Variants in MAML2 observed in about 807,000 individuals in gnomAD.
MAML2 encodes the protein mastermind like transcriptional coactivator 2.
In MAML2, 22 loss-of-function variants were observed where a neutral mutation model predicts 96.1. The ratio of observed to expected loss-of-function variants is 0.23; its 90% CI spans 0.16 to 0.33. The LOEUF (loss-of-function observed/expected upper bound fraction) is 0.33. Ranked by LOEUF, MAML2 falls within the 10% of genes least tolerant of loss-of-function variation. The pLI is 1.00. For missense variants in MAML2, 1,367 were observed against 1,392.4 expected, an observed-to-expected ratio of 0.98 and a Z score of 0.29; for synonymous variants, 561 against 521.3, an observed-to-expected ratio of 1.08 and a Z score of -1.04.
chr11:96,025,360 G>T (rs188194911), intron 2 of MAML2, among the ~76,000 whole-genome samples: 31 of 152,222 alleles, frequency 2.0e-4, no homozygotes, highest in African/African-American at 7.0e-4. Context: ...GGTACACATG[G>T]ACATAAAGAT....
intron 1 of MAML2, among the ~76,000 whole-genome samples, chr11:96,318,388 A>G (rs1863658984): frequency 6.6e-6 from 1 of 152,182 alleles, no homozygotes; most frequent in Admixed American, 6.5e-5. Flanking sequence ...AAGTTAATAT[A>G]CTTTACTTCC....
chr11:96,046,741 A>C (rs75535996), intron 2 of MAML2, among the ~76,000 whole-genome samples: 10 of 151,970 alleles, frequency 6.6e-5, no homozygotes, highest in African/African-American at 1.7e-4. Flanking sequence ...TTCCTCCCCA[A>C]ATTATTTGTA....
At chr11:96,218,848 T>C (rs1295433622) in intron 1 of MAML2, among the ~76,000 whole-genome samples, 1 of 152,244 alleles carries the variant, frequency 6.6e-6, no homozygotes, top group African/African-American at 2.4e-5. Context: ...AACATACTTG[T>C]ACTGAAAGAT....
In MAML2 at chr11:96,287,541, A is replaced by T. The variant is rs182523203; in HGVS notation, c.513+53842T>A. 1.5e-4 allele frequency among the ~76,000 whole-genome samples: 23 copies of T among 152,396 alleles called. 1 individual carries two copies. The highest frequency in any genetic ancestry group is 9.1e-4 in the Admixed American group (14 of 15,314). ...AAATAAACTAAGAAAATTTAATTTC[A>T]TATAAATGTATTATAGAGACATCTA... On this transcript the variant is annotated intron_variant, in intron 1 of 4. Coordinates refer to ENST00000524717, the MANE Select transcript of MAML2 (RefSeq NM_032427.4).
chr11:96,002,746 GGATGATGA>G (rs1565186399), intron 2 of MAML2, among the ~76,000 whole-genome samples: 1 of 142,914 alleles, frequency 7.0e-6, no homozygotes, highest in African/African-American at 2.6e-5. Flanking sequence ...AAGATGATCG[GGATGATGA>G]GGAGGATGAT....
At chr11:96,073,664 T>C (rs949441478) in intron 2 of MAML2, among the ~76,000 whole-genome samples, 1 of 152,202 alleles carries the variant, frequency 6.6e-6, no homozygotes, top group Non-Finnish European at 1.5e-5. Flanking sequence ...GAAGCCGATC[T>C]ACTATCTTGG....
intron 2 of MAML2, among the ~76,000 whole-genome samples, chr11:96,039,763 G>C (rs1219205905): frequency 6.6e-6 from 1 of 152,034 alleles, no homozygotes; most frequent in East Asian, 1.9e-4. Context: ...TGGCTAACAT[G>C]GTGAAACCCT....
chr11:96,040,733 C>G lies in MAML2; in HGVS notation c.2140-49010G>C, dbSNP rs943858561. On this transcript the variant is annotated intron_variant, in intron 2 of 4. Transcript: ENST00000524717. ...AGTGAGCCGAGATCGTGCCACTGCA[C>G]TCCCTTCTGGGCGACAGAGTGAGAC... Among the ~76,000 whole-genome samples, 4 of 152,208 alleles carry G rather than the reference C, an allele frequency of 2.6e-5. No homozygotes were observed. The East Asian group carries it at 7.7e-4, about 29-fold the overall frequency.
intron 1 of MAML2, among the ~76,000 whole-genome samples, chr11:96,279,385 T>G (rs563049185): frequency 6.6e-6 from 1 of 152,350 alleles, no homozygotes; most frequent in East Asian, 1.9e-4. Flanking sequence ...ATTTGCAGTA[T>G]GCAGTGCATA....
At chr11:96,106,697 T>G (rs1202797428) in intron 1 of MAML2, among the ~76,000 whole-genome samples, 1 of 152,196 alleles carries the variant, frequency 6.6e-6, no homozygotes, top group African/African-American at 2.4e-5. Flanking sequence ...GTTTATTTCA[T>G]TTGCCTTTCA....
chr11:96,007,222 A>T, intron 2 of MAML2, among the ~76,000 whole-genome samples: 1 of 149,684 alleles, frequency 6.7e-6, no homozygotes, highest in East Asian at 2.0e-4. Flanking sequence ...CATGTTGGCC[A>T]GGATGGTCTT....
chr11:96,208,891 G>A (rs1267241651), intron 1 of MAML2, among the ~76,000 whole-genome samples: 1 of 152,098 alleles, frequency 6.6e-6, no homozygotes, highest in African/African-American at 2.4e-5. Flanking sequence ...AACAACTTCT[G>A]GAAATGAAGG....
intron 2 of MAML2, among the ~76,000 whole-genome samples, chr11:96,025,588 C>G (rs1265321976): frequency 1.3e-5 from 2 of 152,226 alleles, no homozygotes; most frequent in Admixed American, 6.5e-5. Flanking sequence ...GAGTCTCGCT[C>G]TGTCGCCCAG....
chr11:96,137,630 T>C (rs1860655886), intron 1 of MAML2, among the ~76,000 whole-genome samples: 2 of 152,354 alleles, frequency 1.3e-5, no homozygotes, highest in South Asian at 2.1e-4. Context: ...CACAAACTCA[T>C]TGACCATTCA....
intron 2 of MAML2, among the ~76,000 whole-genome samples, chr11:96,057,216 T>C (rs1284075204): frequency 1.3e-5 from 2 of 152,240 alleles, no homozygotes; most frequent in Non-Finnish European, 2.9e-5. Flanking sequence ...GCATCCTTTC[T>C]GTTTCTCTGA....
chr11:96,121,743 C>T (rs1860344125), intron 1 of MAML2, among the ~76,000 whole-genome samples: 1 of 145,624 alleles, frequency 6.9e-6, no homozygotes, highest in Admixed American at 7.1e-5. Flanking sequence ...AAGCAATGCC[C>T]TTAATTTTGT....
At chr11:96,095,756 T>TG (rs1343605966) in intron 1 of MAML2, among the ~76,000 whole-genome samples, 2 of 152,254 alleles carry the variant, frequency 1.3e-5, no homozygotes, top group Admixed American at 1.3e-4. Context: ...TAATACAAAT[T>TG]GGGCATCTGT....
intron 1 of MAML2, among the ~76,000 whole-genome samples, chr11:96,236,066 G>T (rs1201814079): frequency 6.6e-6 from 1 of 152,200 alleles, no homozygotes; most frequent in Non-Finnish European, 1.5e-5. Context: ...AATGACAGGA[G>T]TCATCCCACT....
chr11:95,978,589 G>C lies in MAML2; in HGVS notation c.*359C>G, dbSNP rs554051824. Reference sequence around the variant, plus strand: ...AACTAGTACCTCCTCATGACATGGGGTTTAAATAAACTACAAGTTCTATTA... The same window carrying C: ...AACTAGTACCTCCTCATGACATGGGCTTTAAATAAACTACAAGTTCTATTA... On this transcript the variant is annotated 3_prime_UTR_variant, in exon 5 of 5. Transcript: ENST00000524717. 1 of 262,274 alleles carries C rather than the reference G, an allele frequency of 3.8e-6. No individual in the cohort carries two copies. Among genetic ancestry groups the C allele is most frequent in the East Asian group, 6.0e-5 (1 of 16,704 alleles). 16.2% of individuals were successfully genotyped at this position (262,274 alleles called of 1,614,324 possible).
Sources: gnomAD v4.1 joint callset for allele counts (sites outside exome capture counted in the v4.1 genomes callset) on GRCh38, gnomAD v4.1.1 for gene constraint, MANE v1.5 for transcripts, NCBI Gene and HGNC (gene_info 2026-07-23, HGNC 2026-07-21) for gene names.